SLC25A13: variants seen among roughly 807,000 people sequenced by gnomAD.
The protein encoded by SLC25A13 is electrogenic aspartate/glutamate antiporter SLC25A13, mitochondrial.
A neutral mutation model predicts 85.5 loss-of-function variants in SLC25A13; 70 were observed. That is an observed-to-expected ratio of 0.82 (90% CI 0.68 to 1.00). The LOEUF is 1.00. Ranked by LOEUF, SLC25A13 falls within the 50% of genes least tolerant of loss-of-function variation. SLC25A13 has a pLI of 0.00. For missense variants in SLC25A13, 765 were observed against 819.8 expected (o/e 0.93, Z 0.82); for synonymous variants, 259 against 288.7 (o/e 0.90, Z 1.04).
intron 13 of SLC25A13, among the ~76,000 whole-genome samples, chr7:96,148,230 T>C (rs1792882706): frequency 6.6e-6 from 1 of 152,170 alleles, no homozygotes; most frequent in South Asian, 2.1e-4. Flanking sequence ...AGAAAGGGCC[T>C]TAGTCTAGGA....
intron 3 of SLC25A13, among the ~76,000 whole-genome samples, chr7:96,275,940 CTG>C (rs973362836): frequency 1.3e-5 from 2 of 152,272 alleles, no homozygotes; most frequent in East Asian, 1.9e-4. Context: ...CTAGTGAAAA[CTG>C]AGAGTATTCG....
intron 1 of SLC25A13, among the ~76,000 whole-genome samples, chr7:96,321,576 G>A (rs1031781301): frequency 2.0e-5 from 3 of 152,164 alleles, no homozygotes; most frequent in African/African-American, 7.2e-5. Flanking sequence ...GCAGGAGCGC[G>A]CTGGGAAGGT....
chr7:96,262,104 G>C (rs74592308), intron 3 of SLC25A13, among the ~76,000 whole-genome samples: 5,674 of 152,208 alleles, frequency 0.037, 349 homozygotes, highest in African/African-American at 0.13. Context: ...TCATAGCTCA[G>C]TACAAGACTG....
rs190479388 is a variant in SLC25A13, at chr7:96,160,825, G to C, written c.1311+9220C>G. 1.5e-3 allele frequency among the ~76,000 whole-genome samples: 221 copies of C among 152,286 alleles called. 2 individuals are homozygous for C. Among genetic ancestry groups the C allele is most frequent in the Non-Finnish European group, 5.9e-4 (40 of 68,020 alleles). ...TCCAAGTTGAAATCATCTGGAGAAA[G>C]AGCCTCTCATTGGAGTAGGCAAGCA... is the stretch of plus-strand genomic sequence containing the variant. On this transcript the variant is annotated intron_variant, in intron 13 of 17. Coordinates refer to ENST00000265631, the MANE Select transcript of SLC25A13 (RefSeq NM_014251.3).
intron 11 of SLC25A13, among the ~76,000 whole-genome samples, chr7:96,177,261 G>T (rs937903281): frequency 1.3e-5 from 2 of 152,200 alleles, no homozygotes; most frequent in African/African-American, 4.8e-5. Flanking sequence ...AGCACATGTG[G>T]TCTGGAAGTG....
intron 3 of SLC25A13, among the ~76,000 whole-genome samples, chr7:96,250,870 T>TA (rs1436487968): frequency 6.6e-6 from 1 of 152,058 alleles, no homozygotes; most frequent in Admixed American, 6.5e-5. Flanking sequence ...CTCTTCTGGA[T>TA]AATACCTCAC....
intron 3 of SLC25A13, among the ~76,000 whole-genome samples, chr7:96,276,201 G>A (rs988316300): frequency 7.9e-5 from 12 of 152,328 alleles, no homozygotes; most frequent in Admixed American, 6.5e-4. Flanking sequence ...GTTAGTTCTT[G>A]TACATTATAC....
chr7:96,123,575 C>T (rs576297194), intron 15 of SLC25A13, among the ~76,000 whole-genome samples: 16 of 152,296 alleles, frequency 1.1e-4, no homozygotes, highest in African/African-American at 1.9e-4. Context: ...AGTTGCCTGG[C>T]AAAACTGATA....
intron 1 of SLC25A13, among the ~76,000 whole-genome samples, chr7:96,310,631 G>T (rs1213184570): frequency 2.6e-5 from 4 of 152,208 alleles, no homozygotes; most frequent in Admixed American, 6.5e-5. Context: ...ATCCAATGAT[G>T]ATCCATGCCT....
At chr7:96,296,572 C>T (rs1380692498) in intron 2 of SLC25A13, among the ~76,000 whole-genome samples, 2 of 152,012 alleles carry the variant, frequency 1.3e-5, no homozygotes, top group African/African-American at 4.8e-5. Flanking sequence ...CCTCCGCCTC[C>T]CAGGTTCAAG....
At chr7:96,154,008 A>G (rs2116510392) in intron 13 of SLC25A13, among the ~76,000 whole-genome samples, 1 of 152,374 alleles carries the variant, frequency 6.6e-6, no homozygotes. Flanking sequence ...CACTTGGGCT[A>G]TAAATTTAAA....
At chr7:96,253,555 A>G (rs1276378682) in intron 3 of SLC25A13, among the ~76,000 whole-genome samples, 2 of 152,170 alleles carry the variant, frequency 1.3e-5, no homozygotes, top group African/African-American at 2.4e-5. Context: ...TGATCCTTTC[A>G]CTCTATAATG....
chr7:96,191,735 G>A (rs1223760697), intron 6 of SLC25A13, among the ~76,000 whole-genome samples: 1 of 152,142 alleles, frequency 6.6e-6, no homozygotes, highest in Non-Finnish European at 1.5e-5. Context: ...CTTATAACCA[G>A]TAATAAATAA....
chr7:96,122,881 C>T (rs1185670593), intron 15 of SLC25A13, among the ~76,000 whole-genome samples: 1 of 152,148 alleles, frequency 6.6e-6, no homozygotes, highest in African/African-American at 2.4e-5. Context: ...CCATTATGAA[C>T]TTATTCCAAA....
chr7:96,193,645 G>C (rs75789056), intron 5 of SLC25A13, among the ~76,000 whole-genome samples: 1 of 152,162 alleles, frequency 6.6e-6, no homozygotes, highest in Non-Finnish European at 1.5e-5. Flanking sequence ...GAAAAGAGTG[G>C]TGGTTCTTCT....
intron 3 of SLC25A13, among the ~76,000 whole-genome samples, chr7:96,272,173 C>A (rs775181228): frequency 6.6e-6 from 1 of 152,202 alleles, no homozygotes; most frequent in Non-Finnish European, 1.5e-5. Context: ...CAGGCGTAAG[C>A]CACCACGCTC....
intron 4 of SLC25A13, among the ~76,000 whole-genome samples, chr7:96,224,836 G>A (rs1796271868): frequency 6.6e-6 from 1 of 152,100 alleles, no homozygotes; most frequent in Non-Finnish European, 1.5e-5. Context: ...ATTACAGTGG[G>A]CTTGCTCCAA....
intron 3 of SLC25A13, among the ~76,000 whole-genome samples, chr7:96,272,813 T>G (rs1038688370): frequency 6.6e-6 from 1 of 152,180 alleles, no homozygotes; most frequent in Non-Finnish European, 1.5e-5. Flanking sequence ...CCAAGGAATG[T>G]TGGACAATAT....
intron 12 of SLC25A13, among the ~76,000 whole-genome samples, chr7:96,170,631 A>G (rs903507799): frequency 3.3e-5 from 5 of 152,174 alleles, no homozygotes; most frequent in Non-Finnish European, 7.4e-5. Flanking sequence ...AATTACATTA[A>G]TTAATTAATA....
Sources: gnomAD v4.1 joint callset for allele counts (sites outside exome capture counted in the v4.1 genomes callset) on GRCh38, gnomAD v4.1.1 for gene constraint, MANE v1.5 for transcripts, NCBI Gene and HGNC (gene_info 2026-07-23, HGNC 2026-07-21) for gene names.